TNN: variants seen among roughly 807,000 people sequenced by gnomAD.
TNN encodes the protein tenascin-N.
In TNN, 122 loss-of-function variants were observed where a neutral mutation model predicts 134.4. The observed-to-expected ratio is 0.91, with a 90% CI of 0.78 to 1.06. The LOEUF is 1.06. Ranked by LOEUF, TNN falls within the 50% of genes least tolerant of loss-of-function variation. The pLI, the probability that TNN is intolerant of heterozygous loss-of-function variation, is 0.00. For synonymous variants in TNN, 710 were observed against 670.3 expected (o/e 1.06, Z -0.91); for missense variants, 1,739 against 1,699.4 (o/e 1.02, Z -0.41).
chr1:175,128,279 A>G (rs937029390), intron 14 of TNN, 115 bp downstream of exon 14: 3 of 1,042,078 alleles, frequency 2.9e-6, no homozygotes, highest in Non-Finnish European at 4.1e-6. Context: ...TTCTCTAGGC[A>G]TGGGGAAGTG....
intron 15 of TNN, among the ~76,000 whole-genome samples, chr1:175,129,835 T>C (rs1675631983): frequency 6.6e-6 from 1 of 152,168 alleles, no homozygotes; most frequent in Non-Finnish European, 1.5e-5. Flanking sequence ...ACCTCTGAAC[T>C]GGAGTCCATT....
chr1:175,097,378 T>C, intron 7 of TNN, 39 bp from the exon 8 acceptor site: 8 of 1,610,456 alleles, frequency 5.0e-6, no homozygotes, highest in Non-Finnish European at 6.8e-6. Flanking sequence ...AATTAGAGGG[T>C]GGTAAAGGCT....
chr1:175,077,864 T>C (rs1360543778), intron 2 of TNN, 37 bp downstream of exon 2: 7 of 1,583,528 alleles, frequency 4.4e-6, no homozygotes, highest in Non-Finnish European at 5.2e-6. Flanking sequence ...AACAAACATT[T>C]GATGAGCACC....
chr1:175,105,987 G>T (rs1674841909), intron 9 of TNN, among the ~76,000 whole-genome samples: 1 of 145,760 alleles, frequency 6.9e-6, no homozygotes, highest in Admixed American at 6.9e-5. Context: ...GCTCACCGAC[G>T]CAGCAGCAGA....
At chr1:175,135,425 A>G (rs1312569221) in intron 15 of TNN, among the ~76,000 whole-genome samples, 7 of 152,126 alleles carry the variant, frequency 4.6e-5, no homozygotes, top group Non-Finnish European at 7.4e-5. Flanking sequence ...AATAATTCCT[A>G]CCCTCAAACT....
At position 175,079,372 on chromosome 1, in the gene TNN, T is replaced by A. The variant is rs533433581; in HGVS notation, c.449T>A (p.Leu150Gln). 6.3e-7 allele frequency: 1 copy of A among 1,598,008 alleles called. No individual in the cohort carries two copies. The highest frequency in any genetic ancestry group is 1.1e-5 in the South Asian group (1 of 90,240). ...RHCSGHGTFS[L>Q]ETCSCHCEEG... is the part of the protein sequence containing the mutation. ...TGCAGCGGCCACGGGACCTTCTCCC[T>A]GGAGACCTGCAGCTGCCACTGCGAA... is the stretch of plus-strand genomic sequence containing the variant. Residue 150 changes from leucine to glutamine, a missense_variant, in exon 3 of 19, where the codon CTG becomes CAG. Leu to Gln is a moderately radical substitution (Grantham distance 113). Transcript: ENST00000239462.
At chr1:175,145,109 A>T (rs992982770) in intron 18 of TNN, among the ~76,000 whole-genome samples, 4 of 151,922 alleles carry the variant, frequency 2.6e-5, no homozygotes, top group Non-Finnish European at 4.4e-5. Context: ...GTCTCATGTA[A>T]ACCTAATTAC....
intron 9 of TNN, among the ~76,000 whole-genome samples, chr1:175,107,092 C>T (rs140974595): frequency 0.026 from 3,845 of 146,198 alleles, 428 homozygotes; most frequent in African/African-American, 0.074. Context: ...AAAGTCCCTT[C>T]GTGGTCGCCA....
intron 4 of TNN, 55 bp from the exon 5 acceptor site, chr1:175,083,695 C>T (rs1021664205): frequency 6.4e-7 from 1 of 1,557,888 alleles, no homozygotes; most frequent in Non-Finnish European, 8.7e-7. Context: ...TGTCACAGAA[C>T]CTTGGAACCT....
At position 175,117,161 on chromosome 1, in the gene TNN, A is replaced by AG; in HGVS notation, c.2347dup (p.Ala783GlyfsTer8). 6.2e-7 allele frequency: 1 copy of AG among 1,614,276 alleles called. No individual in the cohort carries two copies. The highest frequency in any genetic ancestry group is 8.5e-7 in the Non-Finnish European group (1 of 1,180,048). ...TACACGGTGCACGTGTGGGCCCAGAAGGGGGCCCAGGAGAGCAAGAAGGCT... is the reference window on the plus strand; with the variant it reads ...TACACGGTGCACGTGTGGGCCCAGAAGGGGGGCCCAGGAGAGCAAGAAGGCT... On this transcript the variant is annotated frameshift_variant, in exon 10 of 19. Transcript: ENST00000239462. LOFTEE classifies it high-confidence loss of function.
Position 175,123,649 on chromosome 1 carries a change from C to T in TNN, c.2900C>T (p.Thr967Ile), listed in dbSNP as rs753097959. Residue 967 changes from threonine (T) to isoleucine (I), a missense_variant, in exon 12 of 19, where the codon ACC (threonine) becomes ATC (isoleucine). By Grantham distance (89) the Thr-to-Ile change is moderately conservative. Coordinates refer to ENST00000239462, the MANE Select transcript of TNN (RefSeq NM_022093.2). ...KGAQESKKAD[T>I]KAQTELDPPR... is the part of the protein sequence containing the mutation. The stretch of plus-strand genomic sequence containing the variant: ...GCCCAGGAGAGCAAGAAGGCTGACA[C>T]CAAGGCCCAGACAGGTACTGAGAGG... 2.5e-6 allele frequency: 4 copies of T among 1,614,206 alleles called. No homozygotes were observed. The highest frequency in any genetic ancestry group is 3.4e-6 in the Non-Finnish European group (4 of 1,180,042).
chr1:175,127,394 C>T (rs1675559062), intron 13 of TNN, among the ~76,000 whole-genome samples: 1 of 152,156 alleles, frequency 6.6e-6, no homozygotes, highest in South Asian at 2.1e-4. Context: ...GTTATACCTC[C>T]CCTTAGAATC....
intron 9 of TNN, among the ~76,000 whole-genome samples, chr1:175,113,744 A>G (rs1675096345): frequency 6.6e-6 from 1 of 151,662 alleles, no homozygotes; most frequent in East Asian, 1.9e-4. Context: ...GGCTTTCTTT[A>G]CTCTTTTTCA....
In TNN at chr1:175,128,023, G is replaced by A. The variant is rs79063581; in HGVS notation, c.3046-9G>A. 8.6e-4 allele frequency: 1,395 copies of A among 1,614,124 alleles called. 15 individuals are homozygous for A. In the African/African-American group the frequency reaches 0.016, roughly 19 times the overall value. ...TCACTGGCTGTCTAATCTCTCCCTT[G>A]TTTGGTAGGAGATGCAGCTGGGACG... On this transcript the variant is annotated splice_polypyrimidine_tract_variant and intron_variant, in intron 13 of 18. Transcript: ENST00000239462.
intron 11 of TNN, among the ~76,000 whole-genome samples, chr1:175,119,605 C>A (rs1449093276): frequency 6.6e-6 from 1 of 150,540 alleles, no homozygotes; most frequent in South Asian, 2.1e-4. Flanking sequence ...GTAATGGACC[C>A]AGTGGGAGCA....
intron 6 of TNN, among the ~76,000 whole-genome samples, chr1:175,090,697 G>A (rs1297664624): frequency 6.6e-6 from 1 of 152,226 alleles, no homozygotes; most frequent in African/African-American, 2.4e-5. Context: ...CTTTCCTGAT[G>A]TGAACAGAGC....
rs902311244 is a variant in TNN, at chr1:175,122,999, C to T, written c.2651-401C>T. ...CATTTCCCTGGGCCTCCATTCTCCT[C>T]CCCTTTTATAAGTCGGAAAGGTTGG... On this transcript the variant is annotated intron_variant, in intron 11 of 18. Coordinates refer to ENST00000239462, the MANE Select transcript of TNN (RefSeq NM_022093.2). Among the ~76,000 whole-genome samples, 4 of 152,152 alleles carry T rather than the reference C, an allele frequency of 2.6e-5. No individual in the cohort carries two copies. The South Asian group carries it at 6.2e-4, about 24-fold the overall frequency.
chr1:175,144,554 G>A lies in TNN; in HGVS notation c.3759+4G>A, dbSNP rs200515723. The A allele has an allele frequency of 2.5e-6, 4 of 1,613,638 alleles. No individual in the cohort carries two copies. Among genetic ancestry groups the A allele is most frequent in the Non-Finnish European group, 3.4e-6 (4 of 1,179,816 alleles). ...TGGGGAGACCAAGCACAGTGAGGTAGGTGACAGGTGAATGTCTTTTCTGTC... is the reference window on the plus strand; with the variant it reads ...TGGGGAGACCAAGCACAGTGAGGTAAGTGACAGGTGAATGTCTTTTCTGTC... On this transcript the variant is annotated splice_donor_region_variant and intron_variant, in intron 18 of 18. Coordinates refer to ENST00000239462, the MANE Select transcript of TNN (RefSeq NM_022093.2).
At chr1:175,124,670 G>A (rs1053264230) in intron 12 of TNN, among the ~76,000 whole-genome samples, 5 of 142,184 alleles carry the variant, frequency 3.5e-5, no homozygotes, top group East Asian at 2.1e-4. Flanking sequence ...AACAAAGAGC[G>A]AGACTCCATC....
Sources: gnomAD v4.1 joint callset for allele counts (sites outside exome capture counted in the v4.1 genomes callset) on GRCh38, gnomAD v4.1.1 for gene constraint, MANE v1.5 for transcripts, NCBI Gene and HGNC (gene_info 2026-07-23, HGNC 2026-07-21) for gene names.